ATP6V1E1: variants seen among roughly 807,000 people sequenced by gnomAD.
ATP6V1E1 encodes the protein ATPase H+ transporting V1 subunit E1, also known as V-type proton ATPase subunit E 1.
In ATP6V1E1, 21 loss-of-function variants were observed where a neutral mutation model predicts 35.2. The ratio of observed to expected loss-of-function variants is 0.60; its 90% CI spans 0.42 to 0.86. The LOEUF is 0.86. Among genes scored for constraint, ATP6V1E1 ranks in the 40% least tolerant of loss-of-function variants. The probability of loss-of-function intolerance (pLI) is 0.00; values close to 1 mark genes in which losing one functional copy is unlikely to be tolerated. For synonymous variants in ATP6V1E1, 83 were observed against 87.8 expected (o/e 0.95, Z 0.30); for missense variants, 183 against 272.6 (o/e 0.67, Z 2.32).
intron 6 of ATP6V1E1, among the ~76,000 whole-genome samples, chr22:17,599,804 C>T (rs1423346262): frequency 1.3e-5 from 2 of 149,246 alleles, no homozygotes; most frequent in African/African-American, 5.0e-5. Context: ...CTTGTAATTC[C>T]AGCTAGTCTA....
At position 17,594,058 on chromosome 22, in the gene ATP6V1E1, C is replaced by T. The variant is rs190266358; in HGVS notation, c.618+471G>A. Among the ~76,000 whole-genome samples the T allele has an allele frequency of 2.0e-4, 30 of 152,126 alleles. No individual in the cohort carries two copies. In the East Asian group the frequency reaches 5.2e-3, roughly 26 times the overall value. ...TCTCTACTAAAAATACAAAATTAGC[C>T]GGGTGTGGTGGCAGGTGCCTGTAAT... On this transcript the variant is annotated intron_variant, in intron 8 of 8. Transcript: ENST00000253413.
At position 17,601,406 on chromosome 22, in the gene ATP6V1E1, A is replaced by C. The variant is rs192672612; in HGVS notation, c.277-225T>G. On this transcript the variant is annotated intron_variant, in intron 4 of 8. Transcript: ENST00000253413. ...CAGGGAGTCCACGGCCTAGCAGAGA[A>C]TAGCTCAGGTAACCATCAGTTCAGA... Among the ~76,000 whole-genome samples, 852 of 152,296 alleles carry C rather than the reference A, an allele frequency of 5.6e-3. 3 individuals are homozygous for C. The highest frequency in any genetic ancestry group is 0.019 in the African/African-American group (807 of 41,570).
chr22:17,605,350 G>T (rs1032043759), intron 4 of ATP6V1E1, among the ~76,000 whole-genome samples: 3 of 151,766 alleles, frequency 2.0e-5, no homozygotes, highest in African/African-American at 4.8e-5. Flanking sequence ...GGCCAACATG[G>T]AAAAACCCCA....
intron 5 of ATP6V1E1, 161 bp downstream of exon 5, chr22:17,600,931 G>A (rs1337428417): frequency 5.3e-6 from 3 of 561,878 alleles, no homozygotes; most frequent in Non-Finnish European, 9.3e-6. Flanking sequence ...TTTTAGATAT[G>A]GTCAAGAGTG....
intron 1 of ATP6V1E1, among the ~76,000 whole-genome samples, chr22:17,619,731 A>G (rs546664180): frequency 2.0e-5 from 3 of 152,228 alleles, no homozygotes; most frequent in African/African-American, 7.2e-5. Flanking sequence ...TAAAAATTTA[A>G]AAAAGTCAAT....
chr22:17,599,419 A>G (rs2057750016), intron 6 of ATP6V1E1, among the ~76,000 whole-genome samples: 1 of 151,364 alleles, frequency 6.6e-6, no homozygotes, highest in Non-Finnish European at 1.5e-5. Context: ...TACTAAAGAT[A>G]CAAAAAATTA....
At chr22:17,627,608 C>CA (rs892583105) in intron 1 of ATP6V1E1, among the ~76,000 whole-genome samples, 5 of 150,960 alleles carry the variant, frequency 3.3e-5, no homozygotes, top group Non-Finnish European at 7.4e-5. Context: ...CACCTGAGGT[C>CA]AGGAGTTCAA....
At chr22:17,615,724 C>A (rs1338621608) in intron 2 of ATP6V1E1, among the ~76,000 whole-genome samples, 1 of 151,964 alleles carries the variant, frequency 6.6e-6, no homozygotes, top group Non-Finnish European at 1.5e-5. Context: ...ATGGTGAAAC[C>A]CCATCTCTAC....
At chr22:17,616,494 C>G (rs1036581245) in intron 2 of ATP6V1E1, among the ~76,000 whole-genome samples, 3 of 151,960 alleles carry the variant, frequency 2.0e-5, no homozygotes, top group Non-Finnish European at 2.9e-5. Flanking sequence ...GCCTGGGCAA[C>G]ACAGTAAAAC....
At chr22:17,613,804 A>C (rs971485829) in intron 2 of ATP6V1E1, among the ~76,000 whole-genome samples, 1 of 151,926 alleles carries the variant, frequency 6.6e-6, no homozygotes, top group Non-Finnish European at 1.5e-5. Context: ...TGTCTCTACT[A>C]AAAATACAAA....
intron 4 of ATP6V1E1, among the ~76,000 whole-genome samples, chr22:17,605,205 CAAAAAAAAAAAA>C (rs898076791): frequency 5.5e-5 from 3 of 54,882 alleles, no homozygotes; most frequent in African/African-American, 2.5e-4. Flanking sequence ...GACTTCATCT[CAAAAAAAAAAAA>C]AAAAAAGAAA....
chr22:17,600,220 A>C (rs1360582922), intron 5 of ATP6V1E1, 125 bp from the exon 6 acceptor site: 18 of 791,488 alleles, frequency 2.3e-5, no homozygotes, highest in Non-Finnish European at 3.3e-5. Flanking sequence ...GGATTGCCTG[A>C]GCTCAGAAGT....
intron 1 of ATP6V1E1, among the ~76,000 whole-genome samples, chr22:17,620,149 T>C (rs1482469924): frequency 6.9e-6 from 1 of 144,414 alleles, no homozygotes; most frequent in Non-Finnish European, 1.5e-5. Context: ...ACCTTCCCTT[T>C]GTTTTTTTTT....
At chr22:17,594,441 A>C (rs748724772) in intron 8 of ATP6V1E1, 88 bp downstream of exon 8, 26 of 1,062,098 alleles carry the variant, frequency 2.4e-5, no homozygotes, top group Non-Finnish European at 3.3e-5. Flanking sequence ...ACAGCAACAA[A>C]TCCCAAATAC....
At chr22:17,614,925 C>T (rs907461690) in intron 2 of ATP6V1E1, among the ~76,000 whole-genome samples, 14 of 148,264 alleles carry the variant, frequency 9.4e-5, no homozygotes, top group Admixed American at 8.1e-4. Context: ...ACCGAGATCG[C>T]GCCTGGGCAG....
intron 6 of ATP6V1E1, among the ~76,000 whole-genome samples, chr22:17,599,686 G>C (rs550275297): frequency 1.2e-3 from 175 of 150,434 alleles, no homozygotes; most frequent in Non-Finnish European, 2.1e-3. Context: ...TTGGGAGGAC[G>C]AGGCGGGTGG....
intron 4 of ATP6V1E1, among the ~76,000 whole-genome samples, chr22:17,609,101 A>G (rs1243563111): frequency 9.7e-6 from 1 of 103,148 alleles, no homozygotes; most frequent in East Asian, 2.1e-4. Flanking sequence ...TCAAAAAACA[A>G]AACAAAACAA....
chr22:17,595,063 G>T (rs1296821), intron 7 of ATP6V1E1: 58,706 of 151,026 alleles, frequency 0.39, 14,878 homozygotes, highest in African/African-American at 0.74. Context: ...AATTTGTTTT[G>T]TTTTTTTTGA....
At chr22:17,623,498 T>C (rs5747286) in intron 1 of ATP6V1E1, among the ~76,000 whole-genome samples, 81,267 of 151,824 alleles carry the variant, frequency 0.54, 22,877 homozygotes, top group African/African-American at 0.7. Flanking sequence ...TGGTGAAACC[T>C]GGTCTCTACT....
Sources: gnomAD v4.1 joint callset for allele counts (sites outside exome capture counted in the v4.1 genomes callset) on GRCh38, gnomAD v4.1.1 for gene constraint, MANE v1.5 for transcripts, NCBI Gene and HGNC (gene_info 2026-07-23, HGNC 2026-07-21) for gene names.